Variants in ANO9 observed in about 807,000 individuals in gnomAD.
ANO9 encodes the protein anoctamin-9.
In ANO9, 80 loss-of-function variants were observed where a neutral mutation model predicts 100.5. The observed-to-expected ratio is 0.80, with a 90% CI of 0.66 to 0.96. The LOEUF (loss-of-function observed/expected upper bound fraction) is 0.96. Among genes scored for constraint, ANO9 ranks in the 40% least tolerant of loss-of-function variants. ANO9 has a pLI of 0.00. For missense variants in ANO9, 1,064 were observed against 1,072.7 expected (o/e 0.99, Z 0.11); for synonymous variants, 473 against 435.6 (o/e 1.09, Z -1.07).
At chr11:429,717 C>T in intron 10 of ANO9, 41 bp downstream of exon 10, 1 of 1,612,002 alleles carries the variant, frequency 6.2e-7, no homozygotes, top group Non-Finnish European at 8.5e-7. Flanking sequence ...CTTGGGCTGG[C>T]ACTTCCCCTG....
chr11:420,127 TGTCC>T, intron 19 of ANO9: 1 of 1,330,646 alleles, frequency 7.5e-7, no homozygotes, highest in South Asian at 1.7e-5. Context: ...CCCTGCTGCC[TGTCC>T]GTCTCAGCGT....
chr11:425,717 GTTTT>G (rs145087632), intron 15 of ANO9, among the ~76,000 whole-genome samples: 1 of 148,622 alleles, frequency 6.7e-6, no homozygotes, highest in African/African-American at 2.5e-5. Flanking sequence ...TTTGTTTTTT[GTTTT>G]TTGTTTGTTT....
At chr11:437,354 C>G (rs1845442740) in intron 1 of ANO9, among the ~76,000 whole-genome samples, 1 of 152,184 alleles carries the variant, frequency 6.6e-6, no homozygotes, top group Non-Finnish European at 1.5e-5. Flanking sequence ...GAGATGGGCT[C>G]AGGTAGACAC....
At chr11:427,963 A>T (rs536155400) in intron 15 of ANO9, 125 bp downstream of exon 15, 1 of 124,804 alleles carries the variant, frequency 8.0e-6, no homozygotes, top group South Asian at 5.3e-4. Context: ...ATGTCTCTAG[A>T]TTGGATTTCC....
At chr11:429,435 C>T (rs2133696290) in intron 11 of ANO9, 135 bp downstream of exon 11, 2 of 1,486,232 alleles carry the variant, frequency 1.3e-6, no homozygotes, top group African/African-American at 1.4e-5. Flanking sequence ...GACCAGGACA[C>T]ACGCCCCACA....
chr11:420,611 G>A lies in ANO9; in HGVS notation c.1638C>T (p.Ile546=), dbSNP rs1362131941. ...SLFDEFMEMM[I]QYGFTTIFVA... The stretch of plus-strand genomic sequence containing the variant: ...CGAAGATGGTGGTGAAGCCGTACTG[G>A]ATCACTGCGCGGTGGGGGTCAGGCT... The change falls in exon 19 of 23, where the codon ATC becomes ATT. Residue 546 remains isoleucine (I), a synonymous_variant. Transcript: ENST00000332826. 1 of 1,604,766 alleles carries A rather than the reference G, an allele frequency of 6.2e-7. No individual in the cohort carries two copies. Among genetic ancestry groups the A allele is most frequent in the South Asian group, 1.1e-5 (1 of 90,998 alleles).
Position 434,023 on chromosome 11 carries a change from C to A in ANO9, c.81+1G>T. On this transcript the variant is annotated splice_donor_variant, in intron 2 of 22. Transcript: ENST00000332826. LOFTEE classifies it high-confidence loss of function. ...CCCGGGAGGGGCCCCCGGACACCCA[C>A]CTCACAGGTGCTGATCTCCATCAGC... 7 of 1,550,722 alleles carry A rather than the reference C, an allele frequency of 4.5e-6. No individual in the cohort carries two copies. Among genetic ancestry groups the A allele is most frequent in the Non-Finnish European group, 6.1e-6 (7 of 1,147,180 alleles).
chr11:439,115 G>A (rs1001152168), intron 1 of ANO9, among the ~76,000 whole-genome samples: 3 of 152,152 alleles, frequency 2.0e-5, no homozygotes, highest in Non-Finnish European at 1.5e-5. Context: ...CCTCAGCGAC[G>A]TGCAGACACA....
intron 15 of ANO9, among the ~76,000 whole-genome samples, chr11:423,251 C>G (rs2133683780): frequency 6.6e-6 from 1 of 152,282 alleles, no homozygotes; most frequent in South Asian, 2.1e-4. Context: ...TAGCCCCACC[C>G]TACAGCAAGG....
chr11:435,664 G>A (rs1466118005), intron 1 of ANO9, among the ~76,000 whole-genome samples: 1 of 130,562 alleles, frequency 7.7e-6, no homozygotes, highest in African/African-American at 2.8e-5. Context: ...GTATGGTCTA[G>A]TCTAGTCTAG....
chr11:423,287 C>T (rs1320415143), intron 15 of ANO9, among the ~76,000 whole-genome samples: 1 of 152,130 alleles, frequency 6.6e-6, no homozygotes, highest in East Asian at 1.9e-4. Context: ...CCCAGCACAG[C>T]AAGGGGCTGG....
Position 433,887 on chromosome 11 carries a change from G to A in ANO9, c.132C>T (p.Thr44=). 1 of 1,563,974 alleles carries A rather than the reference G, an allele frequency of 6.4e-7. No individual in the cohort carries two copies. ...WDYVLVAQRH[T]QRDPRQARQQ... ...GCCGCGCCTGCCGGGGGTCTCTCTG[G>A]GTGTGACGTTGGGCCACGAGGACAT... The change falls in exon 3 of 23, where the codon ACC becomes ACT. Residue 44 remains threonine, a synonymous_variant. Transcript: ENST00000332826.
chr11:423,882 T>TACACACACAC (rs1378695546), intron 15 of ANO9, among the ~76,000 whole-genome samples: 2 of 52,516 alleles, frequency 3.8e-5, no homozygotes, highest in African/African-American at 1.0e-4. Context: ...CACAGTTGAA[T>TACACACACAC]ACTCACACAC....
rs980520422 is a variant in ANO9, at chr11:427,996, T to A, written c.1334+92A>T. On this transcript the variant is annotated intron_variant, in intron 15 of 22. Transcript: ENST00000332826. ...TCCACTTGCTCTCAGCAGAAATTAC[T>A]TTTAAAATTAAAAGAATGGACATTG... is the stretch of plus-strand genomic sequence containing the variant. 3 of 673,388 alleles carry A rather than the reference T, an allele frequency of 4.5e-6. No individual in the cohort carries two copies. In the African/African-American group the frequency reaches 5.5e-5, roughly 12 times the overall value. 41.7% of individuals were successfully genotyped at this position (673,388 alleles called of 1,614,324 possible). A position where few individuals can be genotyped will look rare whatever the true frequency, so the allele number is the denominator to read the frequency against.
rs1848737066 is a variant in ANO9, at chr11:429,336, A to G, written c.915+234T>C. The G allele has an allele frequency of 7.1e-6, 7 of 985,660 alleles. No individual in the cohort carries two copies. In the Admixed American group the frequency reaches 8.7e-5, roughly 12 times the overall value. 61.1% of individuals were successfully genotyped at this position (985,660 alleles called of 1,614,324 possible). On this transcript the variant is annotated intron_variant, in intron 11 of 22. Transcript: ENST00000332826. The stretch of plus-strand genomic sequence containing the variant: ...GCACCCCACACGTGGGGAGACAGAC[A>G]CAGCGACACGCCTCACGGGTGGACA...
rs758595952 is a variant in ANO9 at position 427,707 on chromosome 11, GTCTC to G, written c.1334+377_1334+380del. ...CTGGCGACAGCAAGACCCTGTCTCT[GTCTC>G]TCTCTCTCTCTCTCTCATATATACA... On this transcript the variant is annotated intron_variant, in intron 15 of 22. Coordinates refer to ENST00000332826, the MANE Select transcript of ANO9 (RefSeq NM_001012302.3). 2.0e-5 allele frequency among the ~76,000 whole-genome samples: 3 copies of G among 149,122 alleles called. 1 individual carries two copies. The highest frequency in any genetic ancestry group is 4.5e-5 in the Non-Finnish European group (3 of 67,192).
chr11:423,882 T>TAC (rs1378695546), intron 15 of ANO9, among the ~76,000 whole-genome samples: 6 of 52,514 alleles, frequency 1.1e-4, no homozygotes, highest in Admixed American at 1.8e-4. Flanking sequence ...CACAGTTGAA[T>TAC]ACTCACACAC....
chr11:434,027 A>G lies in ANO9; in HGVS notation c.78T>C (p.Cys26=). The change falls in exon 2 of 23, where the codon TGT becomes TGC. Residue 26 remains cysteine, a synonymous_variant. Coordinates refer to ENST00000332826, the MANE Select transcript of ANO9 (RefSeq NM_001012302.3). ...GGAGGGGCCCCCGGACACCCACCTC[A>G]CAGGTGCTGATCTCCATCAGCGGGA... The part of the protein sequence containing the change: ...DSFPLMEIST[C]ETEASEQWDY... 6.4e-7 allele frequency: 1 copy of G among 1,550,802 alleles called. No homozygotes were observed. The highest frequency in any genetic ancestry group is 8.7e-7 in the Non-Finnish European group (1 of 1,147,228).
In ANO9 at chr11:432,225, C is replaced by G. The variant is rs1246410321; in HGVS notation, c.351-171G>C. On this transcript the variant is annotated intron_variant, in intron 4 of 22. Transcript: ENST00000332826. This position sits in a 1 kb window ranked among gnomAD's most constrained non-coding sequence, Gnocchi z 4.8. ...CCACAACTCACCCGGGAGCCCACCC[C>G]GCACCCTCCTTAAAGTGCTCCCAGG... is the stretch of plus-strand genomic sequence containing the variant. 2 of 680,140 alleles carry G rather than the reference C, an allele frequency of 2.9e-6. No individual in the cohort carries two copies. Among genetic ancestry groups the G allele is most frequent in the Non-Finnish European group, 4.9e-6 (2 of 405,126 alleles). The allele number at this position is 680,140 out of a possible 1,614,324, so 42.1% of individuals were successfully genotyped here.
Sources: gnomAD v4.1 joint callset for allele counts (sites outside exome capture counted in the v4.1 genomes callset) on GRCh38, gnomAD v4.1.1 for gene constraint, Gnocchi (gnomAD v3.1) non-coding constraint, MANE v1.5 for transcripts, NCBI Gene and HGNC (gene_info 2026-07-23, HGNC 2026-07-21) for gene names.